MYOM2: variants seen among roughly 807,000 people sequenced by gnomAD.
The protein encoded by MYOM2 is myomesin-2.
MYOM2 carries 254 observed loss-of-function variants against 187.6 expected under a neutral mutation model. That is an observed-to-expected ratio of 1.35 (90% CI 1.22 to 1.50). The LOEUF (loss-of-function observed/expected upper bound fraction) is 1.50, where lower values mean the gene tolerates loss of function less well. Among genes scored for constraint, MYOM2 ranks in the 40% most tolerant of loss-of-function variants. The pLI is 0.00. For missense variants in MYOM2, 2,796 were observed against 1,924.0 expected (o/e 1.45, Z -8.48); for synonymous variants, 981 against 753.8 (o/e 1.30, Z -4.94).
At chr8:2,069,747 A>G (rs975132461) in intron 8 of MYOM2, among the ~76,000 whole-genome samples, 4 of 152,154 alleles carry the variant, frequency 2.6e-5, no homozygotes, top group Non-Finnish European at 2.9e-5. Flanking sequence ...TCTCCTGGCC[A>G]GTGTTAGCAT....
chr8:2,061,235 C>G (rs1041816293), intron 6 of MYOM2, among the ~76,000 whole-genome samples: 4 of 151,786 alleles, frequency 2.6e-5, no homozygotes, highest in Admixed American at 1.3e-4. Flanking sequence ...GGGAGGGCGT[C>G]TCTGTCCCCG....
At chr8:2,064,156 C>T (rs536593137) in intron 6 of MYOM2, among the ~76,000 whole-genome samples, 13 of 152,318 alleles carry the variant, frequency 8.5e-5, no homozygotes, top group Non-Finnish European at 1.5e-4. Context: ...GCATCTGCTC[C>T]GTCGTCTGCC....
At position 2,059,263 on chromosome 8, in the gene MYOM2, G is replaced by C; in HGVS notation, c.653+18G>C. Reference sequence around the variant, plus strand: ...ATCAACAGGTATGGCTGTGGTGGGGGCTCTGGACGCTGGCGTCCAGTAATC... The same window carrying C: ...ATCAACAGGTATGGCTGTGGTGGGGCCTCTGGACGCTGGCGTCCAGTAATC... On this transcript the variant is annotated intron_variant, in intron 6 of 36. Transcript: ENST00000262113. 1 of 1,608,170 alleles carries C rather than the reference G, an allele frequency of 6.2e-7. No homozygotes were observed. The highest frequency in any genetic ancestry group is 8.5e-7 in the Non-Finnish European group (1 of 1,175,182).
chr8:2,133,461 A>G (rs180843767), intron 32 of MYOM2, among the ~76,000 whole-genome samples: 14 of 152,190 alleles, frequency 9.2e-5, no homozygotes, highest in Admixed American at 8.5e-4. Context: ...TTGTGCTTCC[A>G]TCTACCTGCC....
chr8:2,082,396 T>C (rs1819660111), intron 13 of MYOM2, among the ~76,000 whole-genome samples: 1 of 68,718 alleles, frequency 1.5e-5, no homozygotes, highest in South Asian at 4.7e-4. Flanking sequence ...CTTCAGCTGA[T>C]TTTTTTTTCT....
At chr8:2,047,430 GAT>G (rs35824651) in intron 1 of MYOM2, among the ~76,000 whole-genome samples, 39,902 of 151,882 alleles carry the variant, frequency 0.26, 5,940 homozygotes, top group Non-Finnish European at 0.35. Context: ...TTGGGCATGT[GAT>G]TGATAAAAGT....
rs762921458 is a variant in MYOM2, at chr8:2,144,934, G to C, written c.4351G>C (p.Ala1451Pro). The C allele has an allele frequency of 6.2e-7, 1 of 1,614,182 alleles. No homozygotes were observed. Among genetic ancestry groups the C allele is most frequent in the South Asian group, 1.1e-5 (1 of 91,084 alleles). Residue 1451 changes from alanine to proline, a missense_variant, in exon 37 of 37, where the codon GCC becomes CCC. Coordinates refer to ENST00000262113, the MANE Select transcript of MYOM2 (RefSeq NM_003970.4). ...CCCGGACATGGCCCCGCCCCAGCAAGCCAAGCCCAAGCTCATCCCCGCGTC... is the reference window on the plus strand; with the variant it reads ...CCCGGACATGGCCCCGCCCCAGCAACCCAAGCCCAAGCTCATCCCCGCGTC... ...KIPDMAPPQQAKPKLIPASAS... is the reference protein window; with the variant it reads ...KIPDMAPPQQPKPKLIPASAS...
chr8:2,052,742 C>T (rs1818535079), intron 3 of MYOM2, among the ~76,000 whole-genome samples: 1 of 152,214 alleles, frequency 6.6e-6, no homozygotes, highest in Admixed American at 6.5e-5. Flanking sequence ...TGAATTTCCA[C>T]TTGCAACCTC....
intron 1 of MYOM2, among the ~76,000 whole-genome samples, chr8:2,047,809 C>G (rs1014934838): frequency 1.3e-5 from 2 of 152,218 alleles, no homozygotes; most frequent in Non-Finnish European, 2.9e-5. Flanking sequence ...CCAGCTCTGC[C>G]TTGCTAAGCA....
At chr8:2,052,424 C>T in intron 3 of MYOM2, 111 bp downstream of exon 3, 1 of 1,195,888 alleles carries the variant, frequency 8.4e-7, no homozygotes, top group South Asian at 1.8e-5. Context: ...GATCAAGGAA[C>T]ACAGGCCATG....
chr8:2,062,971 T>G (rs568613637), intron 6 of MYOM2, among the ~76,000 whole-genome samples: 1 of 152,250 alleles, frequency 6.6e-6, no homozygotes, highest in Non-Finnish European at 1.5e-5. Context: ...ATAAAGTCGT[T>G]GAATCCGCCC....
At chr8:2,124,516 A>C (rs1438569161) in intron 31 of MYOM2, among the ~76,000 whole-genome samples, 3 of 152,212 alleles carry the variant, frequency 2.0e-5, no homozygotes, top group Non-Finnish European at 4.4e-5. Flanking sequence ...TATAATTGCT[A>C]TGAGCAGCTT....
Position 2,057,399 on chromosome 8 carries a change from C to A in MYOM2, c.315C>A (p.Leu105=). 6.2e-7 allele frequency: 1 copy of A among 1,613,958 alleles called. No individual in the cohort carries two copies. The highest frequency in any genetic ancestry group is 8.5e-7 in the Non-Finnish European group (1 of 1,179,972). ...GTGAGGCCAAGCGACAGCGCTTCCT[C>A]AGCGAGCTGGCCCACTTGGAGGAGG... is the stretch of plus-strand genomic sequence containing the variant. ...AYGEAKRQRF[L]SELAHLEEDV... The change falls in exon 4 of 37, where the codon CTC becomes CTA. Residue 105 remains leucine, a synonymous_variant. Transcript: ENST00000262113.
intron 6 of MYOM2, among the ~76,000 whole-genome samples, chr8:2,064,380 G>A (rs1818945346): frequency 6.6e-6 from 1 of 152,210 alleles, no homozygotes; most frequent in Non-Finnish European, 1.5e-5. Flanking sequence ...TAACTTACCC[G>A]TGCCCACCGT....
chr8:2,063,239 C>T (rs549577675), intron 6 of MYOM2, among the ~76,000 whole-genome samples: 1 of 152,316 alleles, frequency 6.6e-6, no homozygotes, highest in African/African-American at 2.4e-5. Flanking sequence ...GCCGGTCATC[C>T]GATCTGTGGC....
intron 13 of MYOM2, among the ~76,000 whole-genome samples, chr8:2,083,743 C>T (rs1324495436): frequency 6.6e-6 from 1 of 152,210 alleles, no homozygotes; most frequent in Non-Finnish European, 1.5e-5. Flanking sequence ...GTTGGAGAAT[C>T]TGCAAATCCG....
rs151115576 is a variant in MYOM2, at chr8:2,144,970, G to A, written c.4387G>A (p.Ala1463Thr). 2.7e-4 allele frequency: 440 copies of A among 1,613,950 alleles called. 2 individuals are homozygous for A. Among genetic ancestry groups the A allele is most frequent in the Middle Eastern group, 1.8e-3 (11 of 6,048 alleles). ...GCTCATCCCCGCGTCTGCCTCAGCG[G>A]CAGGCCAGTGAAGGCGTTTTCCTAG... ...PKLIPASASA[A>T]GQ Residue 1463 changes from alanine (A) to threonine (T), a missense_variant, in exon 37 of 37, where the codon GCA (alanine) becomes ACA (threonine). Coordinates refer to ENST00000262113, the MANE Select transcript of MYOM2 (RefSeq NM_003970.4).
At position 2,144,731 on chromosome 8, in the gene MYOM2, A is replaced by C; in HGVS notation, c.4148A>C (p.Gln1383Pro). The change falls in exon 37 of 37, where the codon CAG (glutamine) becomes CCG (proline). Residue 1383 changes from glutamine (Q) to proline (P), a missense_variant. Gln to Pro is a moderately conservative substitution (Grantham distance 76, BLOSUM62 -1). Transcript: ENST00000262113. ...DPEVIWFKND[Q>P]DIQLSEHFSV... The stretch of plus-strand genomic sequence containing the variant: ...GAAGTGATTTGGTTCAAGAACGACC[A>C]GGACATCCAGCTCAGCGAGCACTTC... 6.2e-7 allele frequency: 1 copy of C among 1,613,792 alleles called. No homozygotes were observed. Among genetic ancestry groups the C allele is most frequent in the Non-Finnish European group, 8.5e-7 (1 of 1,180,010 alleles).
chr8:2,076,626 C>G, intron 11 of MYOM2: 1 of 213,606 alleles, frequency 4.7e-6, no homozygotes, highest in Non-Finnish European at 9.2e-6. Context: ...CGGACAGGGC[C>G]CTGGCTTTAG....
Sources: allele counts gnomAD v4.1 joint callset (sites outside exome capture counted in the v4.1 genomes callset), GRCh38; gene constraint gnomAD v4.1.1; transcripts MANE v1.5; gene names NCBI Gene and HGNC (gene_info 2026-07-23, HGNC 2026-07-21).